Variants in ITIH2 observed in about 807,000 individuals in gnomAD.
The protein encoded by ITIH2 is inter-alpha-trypsin inhibitor heavy chain H2.
ITIH2 carries 103 observed loss-of-function variants against 104.4 expected under a neutral mutation model. The observed-to-expected ratio is 0.99, with a 90% CI of 0.84 to 1.16. ITIH2 has a LOEUF of 1.16. Ranked by LOEUF, ITIH2 falls within the 50% of genes most tolerant of loss-of-function variation. ITIH2 has a pLI of 0.00. For synonymous variants in ITIH2, 436 were observed against 435.4 expected, an observed-to-expected ratio of 1.00 and a Z score of -0.02; for missense variants, 1,108 against 1,162.4, an observed-to-expected ratio of 0.95 and a Z score of 0.68.
chr10:7,706,453 TCTC>T (rs1254038923), intron 2 of ITIH2, among the ~76,000 whole-genome samples: 1 of 152,150 alleles, frequency 6.6e-6, no homozygotes, highest in East Asian at 1.9e-4. Context: ...GTATGGATAA[TCTC>T]CTAGCATGGT....
rs139781584 is a variant in ITIH2 at position 7,734,944 on chromosome 10, G to T, written c.1810G>T (p.Ala604Ser). 3 of 1,612,734 alleles carry T rather than the reference G, an allele frequency of 1.9e-6. No homozygotes were observed. The African/African-American group carries it at 4.0e-5, about 22-fold the overall frequency. ...CAGAAGCCTGGCTCCTACAGCTGCC[G>T]CCAAGAGAAGAATTACAAGATCGAT... Reference protein sequence around the residue: ...AERSLAPTAAAKRRITRSILQ... With the variant: ...AERSLAPTAASKRRITRSILQ... Residue 604 changes from alanine to serine, a missense_variant, in exon 15 of 21, where the codon GCC becomes TCC. Ala to Ser is a moderately conservative substitution (Grantham distance 99). Transcript: ENST00000358415.
intron 15 of ITIH2, among the ~76,000 whole-genome samples, chr10:7,738,364 C>A (rs575469657): frequency 1.4e-5 from 2 of 146,042 alleles, no homozygotes; most frequent in East Asian, 3.9e-4. Context: ...AGTCACGGGG[C>A]CCTTCCCCGG....
At chr10:7,708,981 AT>A (rs1168353816) in intron 3 of ITIH2, 40 bp from the exon 4 acceptor site, 1 of 1,550,336 alleles carries the variant, frequency 6.5e-7, no homozygotes, top group Admixed American at 1.7e-5. Flanking sequence ...GTTCTGTGTG[AT>A]TTTTCTATCA....
intron 15 of ITIH2, among the ~76,000 whole-genome samples, chr10:7,736,991 CCTT>C (rs1564305254): frequency 6.6e-6 from 1 of 151,992 alleles, no homozygotes; most frequent in African/African-American, 2.4e-5. Flanking sequence ...CAATGTGAGC[CCTT>C]CTTCAATTTT....
chr10:7,710,663 A>C (rs1343388397), intron 4 of ITIH2, among the ~76,000 whole-genome samples: 1 of 152,224 alleles, frequency 6.6e-6, no homozygotes, highest in Non-Finnish European at 1.5e-5. Flanking sequence ...CGAAAGTGGC[A>C]GTCATGTGAA....
At chr10:7,711,845 G>T (rs1479080763) in intron 4 of ITIH2, among the ~76,000 whole-genome samples, 1 of 152,156 alleles carries the variant, frequency 6.6e-6, no homozygotes, top group Non-Finnish European at 1.5e-5. Context: ...TTTCCAAATT[G>T]CTCCTTGGGA....
intron 5 of ITIH2, among the ~76,000 whole-genome samples, chr10:7,717,182 G>A (rs934195061): frequency 9.2e-5 from 14 of 152,096 alleles, no homozygotes; most frequent in African/African-American, 3.1e-4. Context: ...TCGAACTCCT[G>A]ACCTCGTGAT....
chr10:7,745,940 G>C (rs544925826), intron 19 of ITIH2, among the ~76,000 whole-genome samples: 7 of 150,784 alleles, frequency 4.6e-5, no homozygotes, highest in East Asian at 2.0e-4. Context: ...TTTTAGTAGA[G>C]ATGGGGTTTC....
At chr10:7,737,420 T>TATA (rs1377199523) in intron 15 of ITIH2, among the ~76,000 whole-genome samples, 1 of 135,016 alleles carries the variant, frequency 7.4e-6, no homozygotes, top group Non-Finnish European at 1.5e-5. Flanking sequence ...TATATATATA[T>TATA]ATATATACAC....
chr10:7,732,796 C>G (rs1835016667), intron 14 of ITIH2, among the ~76,000 whole-genome samples: 1 of 152,134 alleles, frequency 6.6e-6, no homozygotes, highest in South Asian at 2.1e-4. Flanking sequence ...GACGCCATCT[C>G]AGCTCACTGC....
chr10:7,715,115 C>G (rs966830727), intron 5 of ITIH2, among the ~76,000 whole-genome samples: 1 of 152,092 alleles, frequency 6.6e-6, no homozygotes, highest in African/African-American at 2.4e-5. Context: ...TGAATCAGTC[C>G]TTTTATCTTT....
intron 15 of ITIH2, 71 bp downstream of exon 15, chr10:7,735,162 G>C (rs754024443): frequency 7.2e-7 from 1 of 1,398,174 alleles, no homozygotes; most frequent in Non-Finnish European, 9.6e-7. Flanking sequence ...AAGTCCTAGT[G>C]CCTCCGCTCT....
At chr10:7,747,342 C>T (rs963698083) in intron 20 of ITIH2, among the ~76,000 whole-genome samples, 3 of 152,160 alleles carry the variant, frequency 2.0e-5, no homozygotes, top group Admixed American at 6.5e-5. Flanking sequence ...GGATTCTTCA[C>T]GCCCACAAAT....
chr10:7,744,032 G>A, intron 17 of ITIH2, 50 bp from the exon 18 acceptor site: 1 of 1,441,720 alleles, frequency 6.9e-7, no homozygotes, highest in Non-Finnish European at 9.6e-7. Context: ...ACCCACACAT[G>A]CAAAATAAAT....
intron 16 of ITIH2, among the ~76,000 whole-genome samples, chr10:7,741,352 G>T (rs527677507): frequency 1.3e-5 from 2 of 152,018 alleles, no homozygotes; most frequent in South Asian, 4.2e-4. Context: ...CTAATTTTTT[G>T]TATTTTTAGT....
chr10:7,740,052 G>T (rs2130963181), intron 16 of ITIH2, among the ~76,000 whole-genome samples: 1 of 152,268 alleles, frequency 6.6e-6, no homozygotes, highest in Admixed American at 6.5e-5. Context: ...CGGGCATGGT[G>T]GCAGGTGCCT....
chr10:7,736,296 G>C (rs1835055015), intron 15 of ITIH2, among the ~76,000 whole-genome samples: 1 of 152,102 alleles, frequency 6.6e-6, no homozygotes, highest in Non-Finnish European at 1.5e-5. Context: ...GAGCCTGGAA[G>C]GTGAAGGTTG....
At chr10:7,722,278 C>T (rs571121554) in intron 8 of ITIH2, among the ~76,000 whole-genome samples, 2 of 151,550 alleles carry the variant, frequency 1.3e-5, no homozygotes, top group Non-Finnish European at 2.9e-5. Context: ...TTAGAACGTA[C>T]GCAAACTCCA....
At chr10:7,717,531 C>A (rs770486788) in intron 5 of ITIH2, 95 bp from the exon 6 acceptor site, 3 of 1,131,886 alleles carry the variant, frequency 2.7e-6, no homozygotes, top group Middle Eastern at 2.2e-4. Context: ...GCAGAACGGA[C>A]GGTCCAGGAA....
Sources: gnomAD v4.1 joint callset for allele counts (sites outside exome capture counted in the v4.1 genomes callset) on GRCh38, gnomAD v4.1.1 for gene constraint, MANE v1.5 for transcripts, NCBI Gene and HGNC (gene_info 2026-07-23, HGNC 2026-07-21) for gene names.